CUL1: variants seen among roughly 807,000 people sequenced by gnomAD.
The protein encoded by CUL1 is cullin 1.
A neutral mutation model predicts 118.0 loss-of-function variants in CUL1; 24 were observed. The ratio of observed to expected loss-of-function variants is 0.20; its 90% CI spans 0.15 to 0.29. The LOEUF (loss-of-function observed/expected upper bound fraction) is 0.29. CUL1 is among the 10% of genes least tolerant of loss of function. The probability of loss-of-function intolerance (pLI) is 1.00; values close to 1 mark genes in which losing one functional copy is unlikely to be tolerated. For missense variants in CUL1, 361 were observed against 933.8 expected, an observed-to-expected ratio of 0.39 and a Z score of 7.99; for synonymous variants, 332 against 340.4, an observed-to-expected ratio of 0.98 and a Z score of 0.27.
intron 2 of CUL1, among the ~76,000 whole-genome samples, chr7:148,742,941 A>C (rs182772553): frequency 4.3e-4 from 65 of 152,288 alleles, no homozygotes; most frequent in Admixed American, 7.2e-4. Context: ...TGAAAGTATA[A>C]ATTTCCTTTT....
chr7:148,767,037 C>T (rs1800029167), intron 8 of CUL1, among the ~76,000 whole-genome samples: 1 of 152,098 alleles, frequency 6.6e-6, no homozygotes, highest in Admixed American at 6.5e-5. Context: ...CTTATATTTC[C>T]CTTAACCACT....
In CUL1 at chr7:148,801,110, A is replaced by G. The variant is rs569193459; in HGVS notation, c.*528A>G. The G allele has an allele frequency of 6.5e-6, 1 of 152,862 alleles. No homozygotes were observed. The highest frequency in any genetic ancestry group is 6.5e-5 in the Admixed American group (1 of 15,300). The allele number at this position is 152,862 out of a possible 1,614,324, so 9.5% of individuals were successfully genotyped here. On this transcript the variant is annotated 3_prime_UTR_variant, in exon 22 of 22. Coordinates refer to ENST00000325222, the MANE Select transcript of CUL1 (RefSeq NM_003592.3). Reference sequence around the variant, plus strand: ...AAAGATATAATGATTGTGCAAATTTATATTCCTAGTGTCTTCCTGTAGTTC... The same window carrying G: ...AAAGATATAATGATTGTGCAAATTTGTATTCCTAGTGTCTTCCTGTAGTTC...
Position 148,759,534 on chromosome 7 carries a change from C to T in CUL1, c.535-14C>T, listed in dbSNP as rs371291671. 12 of 1,547,810 alleles carry T rather than the reference C, an allele frequency of 7.8e-6. No homozygotes were observed. The highest frequency in any genetic ancestry group is 1.1e-5 in the Non-Finnish European group (12 of 1,126,978). On this transcript the variant is annotated splice_polypyrimidine_tract_variant and intron_variant, in intron 5 of 21. Transcript: ENST00000325222. ...CTATAACCTGTGTAATATTTTTCTA[C>T]ATCCTTTCTAAAGGTAACAAATGCT... is the stretch of plus-strand genomic sequence containing the variant.
chr7:148,780,800 C>T (rs1800600399), intron 9 of CUL1, among the ~76,000 whole-genome samples: 2 of 152,190 alleles, frequency 1.3e-5, no homozygotes, highest in African/African-American at 2.4e-5. Context: ...CCCATTACTA[C>T]TTTATTTTTT....
Position 148,790,444 on chromosome 7 carries a change from A to T in CUL1, c.1806+3A>T. 1 of 1,610,200 alleles carries T rather than the reference A, an allele frequency of 6.2e-7. No homozygotes were observed. Among genetic ancestry groups the T allele is most frequent in the South Asian group, 1.1e-5 (1 of 90,428 alleles). ...TCAAAAACAGATATACTTTGCAGGT[A>T]AGATCACATTTTTATCTTAAAATTT... On this transcript the variant is annotated splice_donor_region_variant and intron_variant, in intron 16 of 21. Transcript: ENST00000325222.
intron 2 of CUL1, among the ~76,000 whole-genome samples, chr7:148,750,847 T>G (rs571601249): frequency 6.6e-6 from 1 of 152,158 alleles, no homozygotes; most frequent in Non-Finnish European, 1.5e-5. Context: ...GACCCGTGCC[T>G]GTATTTTCAG....
rs201432164 is a variant in CUL1, at chr7:148,783,967, G to A, written c.1192-4G>A. On this transcript the variant is annotated splice_polypyrimidine_tract_variant and splice_region_variant and intron_variant, in intron 10 of 21. Coordinates refer to ENST00000325222, the MANE Select transcript of CUL1 (RefSeq NM_003592.3). ...TGTCTCTAACTATATTCCGTGTAAC[G>A]CAGGCTTGTGGTCGCTTCATAAACA... 4,762 of 1,614,038 alleles carry A rather than the reference G, an allele frequency of 3.0e-3. 12 individuals are homozygous for A. The highest frequency in any genetic ancestry group is 3.7e-3 in the Non-Finnish European group (4,378 of 1,179,966).
At chr7:148,733,591 T>C (rs899376442) in intron 2 of CUL1, among the ~76,000 whole-genome samples, 3 of 152,224 alleles carry the variant, frequency 2.0e-5, no homozygotes, top group African/African-American at 7.2e-5. Context: ...TTGCTCGCTG[T>C]GACATCTAAT....
chr7:148,742,230 C>G (rs571318382), intron 2 of CUL1, among the ~76,000 whole-genome samples: 35 of 152,028 alleles, frequency 2.3e-4, no homozygotes, highest in Non-Finnish European at 4.4e-4. Flanking sequence ...AAGATATACC[C>G]GAGACTGGGT....
At chr7:148,715,308 G>T (rs192209232) in intron 1 of CUL1, among the ~76,000 whole-genome samples, 1 of 152,214 alleles carries the variant, frequency 6.6e-6, no homozygotes, top group African/African-American at 2.4e-5. Context: ...CGTGTTGAGC[G>T]AGTCGTTTCC....
intron 2 of CUL1, among the ~76,000 whole-genome samples, chr7:148,744,625 G>C (rs1003227746): frequency 1.3e-5 from 2 of 151,948 alleles, no homozygotes; most frequent in African/African-American, 4.8e-5. Context: ...CCCACAAGAC[G>C]ATATTATAAA....
Position 148,742,435 on chromosome 7 carries a change from C to T in CUL1, c.141-11541C>T, listed in dbSNP as rs568192447. Among the ~76,000 whole-genome samples, 16 of 152,178 alleles carry T rather than the reference C, an allele frequency of 1.1e-4. 1 individual carries two copies. The highest frequency in any genetic ancestry group is 1.0e-3 in the South Asian group (5 of 4,806). On this transcript the variant is annotated intron_variant, in intron 2 of 21. Coordinates refer to ENST00000325222, the MANE Select transcript of CUL1 (RefSeq NM_003592.3). The stretch of plus-strand genomic sequence containing the variant: ...TTATTCACTACCACGAGAACACTAT[C>T]GGGGAAACTGCTTTCATGGTTTGGT...
At chr7:148,751,763 A>C (rs769451066) in intron 2 of CUL1, among the ~76,000 whole-genome samples, 14 of 152,226 alleles carry the variant, frequency 9.2e-5, no homozygotes, top group Non-Finnish European at 1.6e-4. Flanking sequence ...GCTATGTCAG[A>C]TACCATCAAA....
chr7:148,779,008 C>T (rs1800520355), intron 9 of CUL1, among the ~76,000 whole-genome samples: 1 of 152,176 alleles, frequency 6.6e-6, no homozygotes, highest in Non-Finnish European at 1.5e-5. Flanking sequence ...AACTGATCCC[C>T]AGAAATTGTG....
intron 9 of CUL1, among the ~76,000 whole-genome samples, chr7:148,781,079 A>ATTTTTTTTTTTTTTTTTTTT (rs1197920664): frequency 2.1e-5 from 2 of 93,732 alleles, no homozygotes; most frequent in Admixed American, 1.5e-4. Context: ...TCAAGGCCAG[A>ATTTTTTTTTTTTTTTTTTTT]TTTTTTTTTT....
intron 2 of CUL1, among the ~76,000 whole-genome samples, chr7:148,731,694 T>C (rs1798767368): frequency 6.6e-6 from 1 of 152,170 alleles, no homozygotes; most frequent in Non-Finnish European, 1.5e-5. Flanking sequence ...CCTCATGCCC[T>C]CTTCCCCCGA....
At chr7:148,785,587 C>T (rs1800788151) in intron 11 of CUL1, among the ~76,000 whole-genome samples, 1 of 150,044 alleles carries the variant, frequency 6.7e-6, no homozygotes, top group South Asian at 2.1e-4. Context: ...TCGTCTCGAA[C>T]TCCTGACCTC....
chr7:148,798,722 A>G (rs757279549), intron 20 of CUL1, 45 bp downstream of exon 20: 2 of 1,521,282 alleles, frequency 1.3e-6, no homozygotes, highest in Non-Finnish European at 9.1e-7. Flanking sequence ...TCCCTCACGC[A>G]GGGATGGCTC....
Position 148,776,307 on chromosome 7 carries a change from C to CTTTT in CUL1, c.1084-7452_1084-7449dup, listed in dbSNP as rs746777462. Among the ~76,000 whole-genome samples, 16 of 40,690 alleles carry CTTTT rather than the reference C, an allele frequency of 3.9e-4. 2 individuals carry two copies. Among genetic ancestry groups the CTTTT allele is most frequent in the African/African-American group, 1.4e-3 (12 of 8,724 alleles). The allele number at this position is 40,690 out of a possible 152,430, so 26.7% of individuals were successfully genotyped here. On this transcript the variant is annotated intron_variant, in intron 9 of 21. Coordinates refer to ENST00000325222, the MANE Select transcript of CUL1 (RefSeq NM_003592.3). ...CATTTTGGAGTCTAACATAACCAGG[C>CTTTT]TTTTTTTTTTTTTTTTTTTTTTTTT... is the stretch of plus-strand genomic sequence containing the variant.
Sources: allele counts gnomAD v4.1 joint callset (sites outside exome capture counted in the v4.1 genomes callset), GRCh38; gene constraint gnomAD v4.1.1; transcripts MANE v1.5; gene names NCBI Gene and HGNC (gene_info 2026-07-23, HGNC 2026-07-21).